The following STAM2 variants were observed in gnomAD, a reference collection of about 807,000 sequenced individuals.
STAM2 encodes the protein signal transducing adaptor molecule 2.
Under a neutral mutation model 65.6 loss-of-function variants are expected in STAM2, and 51 were observed. That is an observed-to-expected ratio of 0.78 (90% confidence interval 0.62 to 0.98). STAM2 has a LOEUF of 0.98. Ranked by LOEUF, STAM2 falls within the 50% of genes least tolerant of loss-of-function variation. STAM2 has a pLI of 0.00. For missense variants in STAM2, 584 were observed against 617.8 expected (o/e 0.95, Z 0.58); for synonymous variants, 198 against 208.4 (o/e 0.95, Z 0.43).
chr2:152,135,550 G>A lies in STAM2; in HGVS notation c.758C>T (p.Ser253Phe), dbSNP rs767812065. 55 of 1,612,536 alleles carry A rather than the reference G, an allele frequency of 3.4e-5. No homozygotes were observed. Among genetic ancestry groups the A allele is most frequent in the Non-Finnish European group, 4.6e-5 (54 of 1,179,398 alleles). ...ENHRGIGLFPSNFVTTNLNIE... is the reference protein window; with the variant it reads ...ENHRGIGLFPFNFVTTNLNIE... ...GTTTAAATTAGTTGTTACAAAATTG[G>A]ATGGGAAAAGTCCTATTCCTCTGTG... Residue 253 changes from serine to phenylalanine, a missense_variant, in exon 8 of 14, where the codon TCC becomes TTC. By Grantham distance (155) the Ser-to-Phe change is radical. Transcript: ENST00000263904.
chr2:152,146,763 T>C (rs1397668762), intron 5 of STAM2, among the ~76,000 whole-genome samples: 2 of 152,228 alleles, frequency 1.3e-5, no homozygotes, highest in African/African-American at 4.8e-5. Flanking sequence ...CTCTTTGGTA[T>C]TAAGATAGAC....
chr2:152,165,418 G>A (rs903877116), intron 1 of STAM2, among the ~76,000 whole-genome samples: 9 of 151,612 alleles, frequency 5.9e-5, no homozygotes, highest in Non-Finnish European at 1.3e-4. Flanking sequence ...GCAACAGAAC[G>A]AGACTCTGTC....
intron 7 of STAM2, among the ~76,000 whole-genome samples, chr2:152,137,992 A>T (rs900182429): frequency 3.3e-5 from 5 of 152,130 alleles, no homozygotes; most frequent in Admixed American, 3.3e-4. Context: ...TTGTTAATGT[A>T]CCTTAATATC....
intron 2 of STAM2, 76 bp downstream of exon 2, chr2:152,150,069 C>G: frequency 1.0e-6 from 1 of 997,132 alleles, no homozygotes; most frequent in South Asian, 1.4e-5. Flanking sequence ...TCATTTTCCT[C>G]TCAAAGTTAC....
At chr2:152,149,325 T>G (rs1008276613) in intron 2 of STAM2, among the ~76,000 whole-genome samples, 1 of 152,160 alleles carries the variant, frequency 6.6e-6, no homozygotes, top group Non-Finnish European at 1.5e-5. Flanking sequence ...CTCTTTTTCA[T>G]GTAAATTAAT....
Position 152,118,422 on chromosome 2 carries a change from G to A in STAM2, c.*2152C>T, listed in dbSNP as rs1418587636. 4 of 146,480 alleles carry A rather than the reference G, an allele frequency of 2.7e-5. No homozygotes were observed. In the East Asian group the frequency reaches 7.9e-4, roughly 29 times the overall value. The allele number at this position is 146,480 out of a possible 1,614,324, so 9.1% of individuals were successfully genotyped here. A position where few individuals can be genotyped will look rare whatever the true frequency, so the allele number is the denominator to read the frequency against. ...ACTTCTGCACATATAAACTTTCACC[G>A]ATGTGCCAATATATACTATATATTT... On this transcript the variant is annotated 3_prime_UTR_variant, in exon 14 of 14. Transcript: ENST00000263904.
chr2:152,159,433 T>C (rs368955359), intron 1 of STAM2, among the ~76,000 whole-genome samples: 8 of 152,252 alleles, frequency 5.3e-5, no homozygotes, highest in African/African-American at 1.7e-4. Context: ...TTACTAAAGA[T>C]AGAAACATTC....
At chr2:152,173,408 T>TA (rs1689939514) in intron 1 of STAM2, among the ~76,000 whole-genome samples, 1 of 98,680 alleles carries the variant, frequency 1.0e-5, no homozygotes, top group Non-Finnish European at 2.2e-5. Flanking sequence ...ATATATATAT[T>TA]TTTTTTCGAG....
chr2:152,166,020 C>G (rs1007983497), intron 1 of STAM2, among the ~76,000 whole-genome samples: 2 of 152,070 alleles, frequency 1.3e-5, no homozygotes, highest in African/African-American at 4.8e-5. Flanking sequence ...CTGGCCAACA[C>G]AGCGAAACTC....
At chr2:152,146,269 C>CT in intron 5 of STAM2, among the ~76,000 whole-genome samples, 1 of 79,784 alleles carries the variant, frequency 1.3e-5, no homozygotes, top group African/African-American at 5.7e-5. Context: ...AAAACTCCAT[C>CT]TCAAAAAAAA....
At chr2:152,134,528 T>C (rs145009823) in intron 8 of STAM2, among the ~76,000 whole-genome samples, 1 of 152,212 alleles carries the variant, frequency 6.6e-6, no homozygotes, top group South Asian at 2.1e-4. Flanking sequence ...ACAAAGACGA[T>C]GTTACACATG....
intron 1 of STAM2, among the ~76,000 whole-genome samples, chr2:152,151,402 A>C (rs1302881755): frequency 6.6e-6 from 1 of 152,052 alleles, no homozygotes; most frequent in Non-Finnish European, 1.5e-5. Context: ...GGCTGGTCTC[A>C]AACTCCTGAC....
At chr2:152,140,706 T>C (rs1403825697) in intron 7 of STAM2, among the ~76,000 whole-genome samples, 1 of 152,220 alleles carries the variant, frequency 6.6e-6, no homozygotes, top group African/African-American at 2.4e-5. Context: ...CTTTTCTAAA[T>C]GCTTTTACCT....
At chr2:152,151,354 G>A (rs1397111252) in intron 1 of STAM2, among the ~76,000 whole-genome samples, 2 of 151,924 alleles carry the variant, frequency 1.3e-5, no homozygotes, top group Non-Finnish European at 1.5e-5. Flanking sequence ...GCTAATTCTT[G>A]TATTTTTAGT....
In STAM2 at chr2:152,161,739, G is replaced by A. The variant is rs1344966680; in HGVS notation, c.41-11510C>T. On this transcript the variant is annotated intron_variant, in intron 1 of 13. Coordinates refer to ENST00000263904, the MANE Select transcript of STAM2 (RefSeq NM_005843.6). ...CCACCCCATTTAATGTTCTGTTTGG[G>A]TTAATGTTTATCGATGCAAATCTTT... Among the ~76,000 whole-genome samples, 3 of 151,850 alleles carry A rather than the reference G, an allele frequency of 2.0e-5. No homozygotes were observed. In the East Asian group the frequency reaches 5.8e-4, roughly 29 times the overall value.
At chr2:152,152,123 T>C (rs774901419) in intron 1 of STAM2, among the ~76,000 whole-genome samples, 1 of 152,178 alleles carries the variant, frequency 6.6e-6, no homozygotes, top group Non-Finnish European at 1.5e-5. Flanking sequence ...GTATTTTTTG[T>C]GGAGACGGGG....
In STAM2 at chr2:152,175,652, G is replaced by A. The variant is rs763671880; in HGVS notation, c.-10C>T. 1.2e-6 allele frequency: 2 copies of A among 1,611,088 alleles called. No individual in the cohort carries two copies. Among genetic ancestry groups the A allele is most frequent in the South Asian group, 1.1e-5 (1 of 90,548 alleles). On this transcript the variant is annotated 5_prime_UTR_variant, in exon 1 of 14. Transcript: ENST00000263904. ...CGGTGAACAAAGGCATCTCGCCGGCGCCCGAGCCCTAGTCGCTGCTGTCTA... is the reference window on the plus strand; with the variant it reads ...CGGTGAACAAAGGCATCTCGCCGGCACCCGAGCCCTAGTCGCTGCTGTCTA...
chr2:152,137,609 G>GT (rs1414241433), intron 7 of STAM2, among the ~76,000 whole-genome samples: 6 of 152,102 alleles, frequency 3.9e-5, no homozygotes, highest in South Asian at 2.1e-4. Context: ...CTGTACAGTG[G>GT]TTTTTTCCCC....
chr2:152,151,149 C>G (rs1232749406), intron 1 of STAM2, among the ~76,000 whole-genome samples: 1 of 147,874 alleles, frequency 6.8e-6, no homozygotes, highest in Non-Finnish European at 1.5e-5. Context: ...AAGCTAACAG[C>G]AGAAGAATTT....
Sources: allele counts gnomAD v4.1 joint callset (sites outside exome capture counted in the v4.1 genomes callset), GRCh38; gene constraint gnomAD v4.1.1; transcripts MANE v1.5; gene names NCBI Gene and HGNC (gene_info 2026-07-23, HGNC 2026-07-21).